The following MTUS1 variants were observed in gnomAD, a reference collection of about 807,000 sequenced individuals.
MTUS1 encodes the protein microtubule associated scaffold protein 1.
In MTUS1, 109 loss-of-function variants were observed where a neutral mutation model predicts 120.8. The ratio of observed to expected loss-of-function variants is 0.90; its 90% CI spans 0.77 to 1.06. The LOEUF (loss-of-function observed/expected upper bound fraction) is 1.06. Among genes scored for constraint, MTUS1 ranks in the 50% least tolerant of loss-of-function variants. The pLI, the probability that MTUS1 is intolerant of heterozygous loss-of-function variation, is 0.00. For synonymous variants in MTUS1, 737 were observed against 550.5 expected, an observed-to-expected ratio of 1.34 and a Z score of -4.74; for missense variants, 2,210 against 1,486.3, an observed-to-expected ratio of 1.49 and a Z score of -8.01.
intron 1 of MTUS1, among the ~76,000 whole-genome samples, chr8:17,776,334 G>T (rs1187617690): frequency 6.6e-6 from 1 of 151,890 alleles, no homozygotes; most frequent in East Asian, 1.9e-4. Flanking sequence ...ATTGACGGTG[G>T]GGGCGGGGGT....
intron 8 of MTUS1, among the ~76,000 whole-genome samples, chr8:17,661,669 G>C (rs890473657): frequency 1.3e-5 from 2 of 148,626 alleles, no homozygotes; most frequent in African/African-American, 5.1e-5. Context: ...CAGCTCTGAC[G>C]TTTTGATAAG....
chr8:17,769,497 G>A (rs1023476350), intron 1 of MTUS1, among the ~76,000 whole-genome samples: 19 of 150,752 alleles, frequency 1.3e-4, no homozygotes, highest in Middle Eastern at 3.4e-3. Context: ...ACAGGCGCCC[G>A]CCACCACGCC....
intron 1 of MTUS1, among the ~76,000 whole-genome samples, chr8:17,786,500 G>A (rs1010113982): frequency 3.9e-5 from 6 of 152,134 alleles, no homozygotes; most frequent in African/African-American, 1.2e-4. Flanking sequence ...AGCGTGAACT[G>A]ACCACACTTA....
At chr8:17,706,341 A>C (rs1217437761) in intron 6 of MTUS1, among the ~76,000 whole-genome samples, 2 of 152,194 alleles carry the variant, frequency 1.3e-5, no homozygotes, top group African/African-American at 4.8e-5. Flanking sequence ...AACTAGCCCA[A>C]GGTCAGGACA....
In MTUS1 at chr8:17,771,009, A is replaced by C. The variant is rs138917679; in HGVS notation, c.-154-15048T>G. 1.0e-3 allele frequency among the ~76,000 whole-genome samples: 153 copies of C among 152,302 alleles called. 1 individual carries two copies. The highest frequency in any genetic ancestry group is 3.5e-3 in the African/African-American group (147 of 41,568). ...GAAAAAGAAAAAAAGTTTTAAAGGT[A>C]AGATGTTAAGTATGCATCTATAATA... On this transcript the variant is annotated intron_variant, in intron 1 of 14. Coordinates refer to ENST00000693296, the MANE Select transcript of MTUS1 (RefSeq NM_001363059.2).
At chr8:17,703,354 C>T (rs1205297624) in intron 6 of MTUS1, among the ~76,000 whole-genome samples, 1 of 152,106 alleles carries the variant, frequency 6.6e-6, no homozygotes, top group Non-Finnish European at 1.5e-5. Context: ...GATAGCTTGG[C>T]CGGGTGCGGT....
intron 6 of MTUS1, among the ~76,000 whole-genome samples, chr8:17,696,389 C>G (rs1217505011): frequency 2.0e-5 from 3 of 152,100 alleles, no homozygotes; most frequent in African/African-American, 7.2e-5. Context: ...CGAGGGGTCA[C>G]GTGCACATGA....
In MTUS1 at chr8:17,653,474, T is replaced by C; in HGVS notation, c.3239A>G (p.Glu1080Gly). Residue 1080 changes from glutamate to glycine, a missense_variant, in exon 11 of 15, where the codon GAA becomes GGA. Transcript: ENST00000693296. ...AAGTAAATCTTCAAGCGATTTCTTTTCTATTTCATGGCCTTTCTTAATTTC... is the reference window on the plus strand; with the variant it reads ...AAGTAAATCTTCAAGCGATTTCTTTCCTATTTCATGGCCTTTCTTAATTTC... ...LSEIKKGHEIEKKSLEDLLSE... is the reference protein window; with the variant it reads ...LSEIKKGHEIGKKSLEDLLSE... 1 of 1,612,472 alleles carries C rather than the reference T, an allele frequency of 6.2e-7. No individual in the cohort carries two copies. The highest frequency in any genetic ancestry group is 2.2e-5 in the East Asian group (1 of 44,862).
intron 7 of MTUS1, among the ~76,000 whole-genome samples, chr8:17,680,140 G>A (rs11987569): frequency 0.56 from 85,326 of 151,840 alleles, 25,014 homozygotes; most frequent in Middle Eastern, 0.7. Flanking sequence ...GGAACAGAAC[G>A]TAGATCTAGA....
At chr8:17,666,133 C>T (rs1810857134) in intron 8 of MTUS1, among the ~76,000 whole-genome samples, 1 of 145,924 alleles carries the variant, frequency 6.9e-6, no homozygotes, top group South Asian at 2.2e-4. Flanking sequence ...ACAGCAAACA[C>T]TCCGTGTATA....
intron 3 of MTUS1, 182 bp from the exon 4 acceptor site, chr8:17,724,015 A>G (rs1204317429): frequency 3.4e-6 from 2 of 590,310 alleles, no homozygotes; most frequent in Admixed American, 6.4e-5. Flanking sequence ...ATTTTTGATC[A>G]TTTAGAGGCA....
intron 7 of MTUS1, among the ~76,000 whole-genome samples, chr8:17,677,970 G>T (rs1269593045): frequency 6.6e-6 from 1 of 152,126 alleles, no homozygotes; most frequent in Non-Finnish European, 1.5e-5. Flanking sequence ...GAAGCATGGG[G>T]CCTACCTAGA....
chr8:17,743,755 G>C lies in MTUS1; in HGVS notation c.2136C>G (p.Ser712=). Residue 712 remains serine, a synonymous_variant, in exon 3 of 15, where the codon TCC becomes TCG. Transcript: ENST00000693296. Reference sequence around the variant, plus strand: ...GCCTCAAACCGCAGGAGTCAGGCTTGGATATATTCCTACCTGAGGTGGTCG... The same window carrying C: ...GCCTCAAACCGCAGGAGTCAGGCTTCGATATATTCCTACCTGAGGTGGTCG... The part of the protein sequence containing the change: ...KTTTTSGRNI[S]KPDSCGLRQI... 3.7e-6 allele frequency: 6 copies of C among 1,614,110 alleles called. No individual in the cohort carries two copies. The highest frequency in any genetic ancestry group is 5.1e-6 in the Non-Finnish European group (6 of 1,180,032).
chr8:17,705,390 TTTAA>T (rs1819956582), intron 6 of MTUS1, among the ~76,000 whole-genome samples: 1 of 152,218 alleles, frequency 6.6e-6, no homozygotes, highest in African/African-American at 2.4e-5. Context: ...TTCTTAGTGT[TTTAA>T]TTACTTTGTG....
intron 2 of MTUS1, 30 bp downstream of exon 2, chr8:17,753,687 G>C: frequency 6.9e-7 from 1 of 1,439,210 alleles, no homozygotes; most frequent in Non-Finnish European, 9.4e-7. Context: ...GTTCTCTGAA[G>C]CATGCAAAAA....
chr8:17,725,560 C>T (rs935976063), intron 3 of MTUS1, among the ~76,000 whole-genome samples: 5 of 152,082 alleles, frequency 3.3e-5, no homozygotes, highest in African/African-American at 4.8e-5. Context: ...CTTATTTAAC[C>T]CTTTATATCA....
chr8:17,730,229 G>A (rs925943212), intron 3 of MTUS1, among the ~76,000 whole-genome samples: 4 of 152,192 alleles, frequency 2.6e-5, no homozygotes, highest in Non-Finnish European at 5.9e-5. Flanking sequence ...TGTAATCCCA[G>A]CACTTTGGGA....
chr8:17,790,548 A>C (rs1472834858), intron 1 of MTUS1, among the ~76,000 whole-genome samples: 2 of 151,930 alleles, frequency 1.3e-5, no homozygotes, highest in Non-Finnish European at 1.5e-5. Flanking sequence ...GATTGTAATG[A>C]TCTCTAACTG....
chr8:17,651,976 G>C (rs1459112208), intron 12 of MTUS1, among the ~76,000 whole-genome samples: 1 of 152,106 alleles, frequency 6.6e-6, no homozygotes, highest in Non-Finnish European at 1.5e-5. Context: ...TTGAATATAA[G>C]CTCATCTAAT....
Sources: gnomAD v4.1 joint callset for allele counts (sites outside exome capture counted in the v4.1 genomes callset) on GRCh38, gnomAD v4.1.1 for gene constraint, MANE v1.5 for transcripts, NCBI Gene and HGNC (gene_info 2026-07-23, HGNC 2026-07-21) for gene names.